Variants in ITGAM observed in about 807,000 individuals in gnomAD.
ITGAM encodes the protein integrin alpha-M.
A neutral mutation model predicts 137.5 loss-of-function variants in ITGAM; 79 were observed. The observed-to-expected ratio is 0.57, with a 90% CI of 0.48 to 0.69. The LOEUF (loss-of-function observed/expected upper bound fraction) is 0.69. ITGAM is among the 30% of genes least tolerant of loss of function. The pLI, the probability that ITGAM is intolerant of heterozygous loss-of-function variation, is 0.00. For missense variants in ITGAM, 1,343 were observed against 1,483.5 expected (o/e 0.91, Z 1.56); for synonymous variants, 583 against 592.3 (o/e 0.98, Z 0.23).
chr16:31,331,818 C>A lies in ITGAM; in HGVS notation c.*111C>A, dbSNP rs529605170. On this transcript the variant is annotated 3_prime_UTR_variant, in exon 30 of 30. Coordinates refer to ENST00000544665, the MANE Select transcript of ITGAM (RefSeq NM_000632.4). ...GGACAGCGAAGTATCCCCGACAGGA[C>A]GGGCTTGGGCTTCCATTTGTGTGTG... The A allele has an allele frequency of 1.4e-5, 11 of 803,092 alleles. No individual in the cohort carries two copies. Among genetic ancestry groups the A allele is most frequent in the Non-Finnish European group, 1.8e-5 (9 of 505,548 alleles). 49.7% of individuals were successfully genotyped at this position (803,092 alleles called of 1,614,324 possible).
rs2080394175 is a variant in ITGAM at position 31,316,505 on chromosome 16, T to G, written c.1708-4736T>G. Among the ~76,000 whole-genome samples, 2 of 152,238 alleles carry G rather than the reference T, an allele frequency of 1.3e-5. 1 individual carries two copies. The highest frequency in any genetic ancestry group is 6.3e-3 in the Middle Eastern group (2 of 316). On this transcript the variant is annotated intron_variant, in intron 14 of 29. Transcript: ENST00000544665. Reference sequence around the variant, plus strand: ...TTTTTATGTCAGTGTCATGCTGTTTTGCTGAGTATACCTTTGTGGTGTATT... The same window carrying G: ...TTTTTATGTCAGTGTCATGCTGTTTGGCTGAGTATACCTTTGTGGTGTATT...
In ITGAM at chr16:31,271,793, G is replaced by A. The variant is rs2079842870; in HGVS notation, c.559-54G>A. On this transcript the variant is annotated intron_variant, in intron 6 of 29. Coordinates refer to ENST00000544665, the MANE Select transcript of ITGAM (RefSeq NM_000632.4). ...ATCTTCGTGGAGCTTGCTGGGAGAT[G>A]TCTGAGGGGTGGGGGCACCTTCTCC... 1.9e-6 allele frequency: 3 copies of A among 1,607,396 alleles called. No homozygotes were observed. The East Asian group carries it at 6.7e-5, about 36-fold the overall frequency.
rs780348463 is a variant in ITGAM at position 31,260,095 on chromosome 16, G to A, written c.28+3G>A. 8.1e-6 allele frequency: 11 copies of A among 1,359,696 alleles called. No individual in the cohort carries two copies. The highest frequency in any genetic ancestry group is 1.1e-5 in the Non-Finnish European group (11 of 976,750). The allele number at this position is 1,359,696 out of a possible 1,614,324, so 84.2% of individuals were successfully genotyped here. A position where few individuals can be genotyped will look rare whatever the true frequency, so the allele number is the denominator to read the frequency against. ...TCTCAGAGTCCTTCTGTTAACAGGTGCATGGGGGTGGGGTGGGGGACTCTG... is the reference window on the plus strand; with the variant it reads ...TCTCAGAGTCCTTCTGTTAACAGGTACATGGGGGTGGGGTGGGGGACTCTG... On this transcript the variant is annotated splice_donor_region_variant and intron_variant, in intron 1 of 29. Transcript: ENST00000544665.
At chr16:31,299,181 G>A (rs1234502245) in intron 14 of ITGAM, among the ~76,000 whole-genome samples, 3 of 152,110 alleles carry the variant, frequency 2.0e-5, no homozygotes, top group East Asian at 3.9e-4. Flanking sequence ...GTGCAATGTT[G>A]TACAGCAGAC....
intron 1 of ITGAM, among the ~76,000 whole-genome samples, chr16:31,260,321 C>T (rs41439148): frequency 1.8e-4 from 28 of 152,108 alleles, no homozygotes; most frequent in East Asian, 3.9e-4. Flanking sequence ...GGCTGCTTGC[C>T]GGTCCCCTTG....
intron 12 of ITGAM, among the ~76,000 whole-genome samples, chr16:31,287,730 G>T (rs753859702): frequency 2.6e-5 from 4 of 152,104 alleles, no homozygotes; most frequent in Non-Finnish European, 4.4e-5. Flanking sequence ...TGAACAGCTT[G>T]TCATAATTCT....
intron 14 of ITGAM, among the ~76,000 whole-genome samples, chr16:31,299,797 C>T (rs1196164969): frequency 2.9e-5 from 4 of 137,168 alleles, no homozygotes; most frequent in Non-Finnish European, 6.3e-5. Flanking sequence ...TCCCCCTCCT[C>T]CTCCTCTTCC....
In ITGAM at chr16:31,332,389, C is replaced by T. The variant is rs1462445344; in HGVS notation, c.*682C>T. 2 of 152,244 alleles carry T rather than the reference C, an allele frequency of 1.3e-5. No homozygotes were observed. The highest frequency in any genetic ancestry group is 2.9e-5 in the Non-Finnish European group (2 of 68,048). 9.4% of individuals were successfully genotyped at this position (152,244 alleles called of 1,614,324 possible). On this transcript the variant is annotated 3_prime_UTR_variant, in exon 30 of 30. Coordinates refer to ENST00000544665, the MANE Select transcript of ITGAM (RefSeq NM_000632.4). ...AGATGCCCACTGAGGAATGATGAAG[C>T]TTCCTTTCTGGATTCATTTATTATT...
At position 31,332,607 on chromosome 16, in the gene ITGAM, A is replaced by C. The variant is rs1266824481; in HGVS notation, c.*900A>C. ...TGCAAGTGTATGCACGTGTGCACAC[A>C]CACCACACATACACACACACAAGCT... On this transcript the variant is annotated 3_prime_UTR_variant, in exon 30 of 30. Coordinates refer to ENST00000544665, the MANE Select transcript of ITGAM (RefSeq NM_000632.4). The C allele has an allele frequency of 6.6e-6, 1 of 152,098 alleles. No homozygotes were observed. The highest frequency in any genetic ancestry group is 2.4e-5 in the African/African-American group (1 of 41,344). 9.4% of individuals were successfully genotyped at this position (152,098 alleles called of 1,614,324 possible).
intron 14 of ITGAM, 40 bp downstream of exon 14, chr16:31,297,994 T>C (rs2080155191): frequency 3.3e-6 from 5 of 1,506,002 alleles, no homozygotes; most frequent in African/African-American, 1.4e-5. Flanking sequence ...CAGTAGCCTC[T>C]TTGTTGATCT....
intron 14 of ITGAM, among the ~76,000 whole-genome samples, chr16:31,307,396 T>A (rs1034074397): frequency 3.9e-5 from 6 of 152,172 alleles, no homozygotes; most frequent in African/African-American, 1.4e-4. Flanking sequence ...TATATTTTGT[T>A]CTCTTTGAAG....
intron 21 of ITGAM, among the ~76,000 whole-genome samples, chr16:31,326,225 C>T (rs1269210662): frequency 1.3e-5 from 2 of 152,234 alleles, no homozygotes; most frequent in East Asian, 1.9e-4. Context: ...CCAGTCCTCC[C>T]ATATCCCCCA....
rs990689629 is a variant in ITGAM, at chr16:31,332,455, T to C, written c.*748T>C. 6.6e-6 allele frequency: 1 copy of C among 152,262 alleles called. No individual in the cohort carries two copies. Among genetic ancestry groups the C allele is most frequent in the Non-Finnish European group, 1.5e-5 (1 of 68,044 alleles). 9.4% of individuals were successfully genotyped at this position (152,262 alleles called of 1,614,324 possible). On this transcript the variant is annotated 3_prime_UTR_variant, in exon 30 of 30. Transcript: ENST00000544665. ...TTTTTTGGATGGATAAGCTTGTCTATGGTACAAAAATCACAAGGCATTCAA... is the reference window on the plus strand; with the variant it reads ...TTTTTTGGATGGATAAGCTTGTCTACGGTACAAAAATCACAAGGCATTCAA...
At chr16:31,278,179 G>T (rs2079931070) in intron 12 of ITGAM, 70 bp downstream of exon 12, 1 of 1,479,810 alleles carries the variant, frequency 6.8e-7, no homozygotes, top group Non-Finnish European at 9.1e-7. Flanking sequence ...TCCAGGAGGG[G>T]CATTCAGATG....
intron 12 of ITGAM, among the ~76,000 whole-genome samples, chr16:31,285,559 C>T (rs746014920): frequency 2.0e-5 from 3 of 152,146 alleles, no homozygotes; most frequent in African/African-American, 7.2e-5. Context: ...ATCACTTGAA[C>T]CTGGGAGGCA....
intron 14 of ITGAM, among the ~76,000 whole-genome samples, chr16:31,310,928 T>C (rs923884550): frequency 5.9e-5 from 9 of 152,094 alleles, no homozygotes. Flanking sequence ...GACCTTCAGC[T>C]GCTGGAGATA....
chr16:31,308,448 T>A (rs916124504), intron 14 of ITGAM, among the ~76,000 whole-genome samples: 4 of 152,214 alleles, frequency 2.6e-5, no homozygotes, highest in Admixed American at 2.6e-4. Flanking sequence ...GAGGTGTTTG[T>A]AGTATCCTCT....
chr16:31,270,699 G>GTATATA (rs869206231), intron 5 of ITGAM, among the ~76,000 whole-genome samples: 330 of 25,884 alleles, frequency 0.013, 14 homozygotes, highest in South Asian at 0.025. Context: ...GTGTGTGTGT[G>GTATATA]TATATATATA....
At chr16:31,318,140 C>T (rs1274562936) in intron 14 of ITGAM, among the ~76,000 whole-genome samples, 1 of 152,090 alleles carries the variant, frequency 6.6e-6, no homozygotes, top group Non-Finnish European at 1.5e-5. Context: ...ATGATTCAGG[C>T]TTGGTAGGTT....
Sources: allele counts gnomAD v4.1 joint callset (sites outside exome capture counted in the v4.1 genomes callset), GRCh38; gene constraint gnomAD v4.1.1; transcripts MANE v1.5; gene names NCBI Gene and HGNC (gene_info 2026-07-23, HGNC 2026-07-21).